The following LTBP1 variants were observed in gnomAD, a reference collection of about 807,000 sequenced individuals.
LTBP1 encodes the protein latent transforming growth factor beta binding protein 1, also known as latent-transforming growth factor beta-binding protein 1.
Under a neutral mutation model 207.6 loss-of-function variants are expected in LTBP1, and 129 were observed. That is an observed-to-expected ratio of 0.62 (90% CI 0.54 to 0.72). LTBP1 has a LOEUF of 0.72. Ranked by LOEUF, LTBP1 falls within the 30% of genes least tolerant of loss-of-function variation. The pLI, the probability that LTBP1 is intolerant of heterozygous loss-of-function variation, is 0.00. For missense variants in LTBP1, 2,281 were observed against 2,217.2 expected (o/e 1.03, Z -0.58); for synonymous variants, 963 against 833.7 (o/e 1.16, Z -2.67).
At chr2:33,267,899 T>G (rs947687088) in intron 15 of LTBP1, among the ~76,000 whole-genome samples, 1 of 152,234 alleles carries the variant, frequency 6.6e-6, no homozygotes, top group African/African-American at 2.4e-5. Flanking sequence ...AGGAAGTTGT[T>G]AAAACACAAC....
At chr2:33,251,737 G>A (rs759644056) in intron 10 of LTBP1, among the ~76,000 whole-genome samples, 3 of 149,588 alleles carry the variant, frequency 2.0e-5, no homozygotes, top group Non-Finnish European at 3.0e-5. Context: ...AACCTCATTT[G>A]TATGGTGATA....
At chr2:33,057,140 C>T (rs2077041396) in intron 3 of LTBP1, among the ~76,000 whole-genome samples, 1 of 148,558 alleles carries the variant, frequency 6.7e-6, no homozygotes, top group Non-Finnish European at 1.5e-5. Context: ...TTGGTGTATT[C>T]ACAATCCCTT....
chr2:33,012,583 G>A (rs955186647), intron 2 of LTBP1, among the ~76,000 whole-genome samples: 1 of 152,040 alleles, frequency 6.6e-6, no homozygotes, highest in Non-Finnish European at 1.5e-5. Flanking sequence ...TTCTGTACTT[G>A]TGTCTTTCCT....
At position 33,251,664 on chromosome 2, in the gene LTBP1, C is replaced by CAAAAAA. The variant is rs537403994; in HGVS notation, c.2000-995_2000-990dup. 2.4e-3 allele frequency among the ~76,000 whole-genome samples: 157 copies of CAAAAAA among 65,846 alleles called. 1 individual carries two copies. Among genetic ancestry groups the CAAAAAA allele is most frequent in the Non-Finnish European group, 3.4e-3 (123 of 35,848 alleles). The allele number at this position is 65,846 out of a possible 152,430, so 43.2% of individuals were successfully genotyped here. A position where few individuals can be genotyped will look rare whatever the true frequency, so the allele number is the denominator to read the frequency against. ...TCGGCAACAGAGTGAGACTCAGTCT[C>CAAAAAA]AAAAAAAAAAAAAAAAAAAAAAAGA... On this transcript the variant is annotated intron_variant, in intron 10 of 33. Transcript: ENST00000404816.
In LTBP1 at chr2:33,191,575, C is replaced by A. The variant is rs148958295; in HGVS notation, c.1701+2724C>A. Among the ~76,000 whole-genome samples the A allele has an allele frequency of 2.4e-3, 362 of 152,316 alleles. 3 individuals are homozygous for A. Among genetic ancestry groups the A allele is most frequent in the Middle Eastern group, 6.8e-3 (2 of 294 alleles). ...GGGTGAACCAGGCATTTAAAAAATA[C>A]ATTACTGGCAAATAATCATAGTGTG... On this transcript the variant is annotated intron_variant, in intron 7 of 33. Coordinates refer to ENST00000404816, the MANE Select transcript of LTBP1 (RefSeq NM_206943.4).
At chr2:32,984,891 A>G (rs981447193) in intron 2 of LTBP1, among the ~76,000 whole-genome samples, 1 of 152,218 alleles carries the variant, frequency 6.6e-6, no homozygotes, top group East Asian at 1.9e-4. Context: ...AGATTGCGCC[A>G]CTGAACTCCA....
intron 5 of LTBP1, among the ~76,000 whole-genome samples, chr2:33,184,928 C>T (rs1480561287): frequency 6.6e-6 from 1 of 151,946 alleles, no homozygotes; most frequent in Non-Finnish European, 1.5e-5. Flanking sequence ...CCATAAGATG[C>T]ATGGAATGAT....
At chr2:33,139,688 G>A (rs1384290677) in intron 5 of LTBP1, among the ~76,000 whole-genome samples, 1 of 152,186 alleles carries the variant, frequency 6.6e-6, no homozygotes, top group Non-Finnish European at 1.5e-5. Context: ...ACATTGGTAA[G>A]TTCCAAAGTA....
At chr2:33,252,171 A>C (rs1000679604) in intron 10 of LTBP1, among the ~76,000 whole-genome samples, 16 of 152,194 alleles carry the variant, frequency 1.1e-4, no homozygotes, top group Admixed American at 1.0e-3. Flanking sequence ...TCACTGGCGT[A>C]GGGTGAGACC....
At chr2:33,019,054 T>G (rs918414933) in intron 2 of LTBP1, among the ~76,000 whole-genome samples, 1 of 152,200 alleles carries the variant, frequency 6.6e-6, no homozygotes, top group African/African-American at 2.4e-5. Context: ...GGCTTTTAGG[T>G]CTTGGTCTTT....
Position 33,309,481 on chromosome 2 carries a change from T to G in LTBP1, c.3529T>G (p.Cys1177Gly). ...EDKSVCQRGD[C>G]INTAGSYDCT... ...CAAGAGTGTTTGCCAGAGAGGAGAC[T>G]GCATTAATACTGCAGGGTCCTATGA... Residue 1177 changes from cysteine to glycine, a missense_variant, in exon 23 of 34, where the codon TGC becomes GGC. By Grantham distance (159) the Cys-to-Gly change is radical. Transcript: ENST00000404816. 1 of 1,610,202 alleles carries G rather than the reference T, an allele frequency of 6.2e-7. No individual in the cohort carries two copies. The highest frequency in any genetic ancestry group is 8.5e-7 in the Non-Finnish European group (1 of 1,178,428).
intron 2 of LTBP1, among the ~76,000 whole-genome samples, chr2:32,997,718 G>A (rs573833295): frequency 8.2e-4 from 125 of 152,296 alleles, no homozygotes; most frequent in Non-Finnish European, 1.3e-3. Context: ...CCCTCAGGAC[G>A]TAGCTGGACC....
chr2:33,309,684 T>A, intron 23 of LTBP1, 128 bp downstream of exon 23: 1 of 1,103,108 alleles, frequency 9.1e-7, no homozygotes, highest in Non-Finnish European at 1.3e-6. Context: ...TTTTTGATAT[T>A]AAAATAGCTG....
intron 5 of LTBP1, among the ~76,000 whole-genome samples, chr2:33,166,085 T>A (rs560996290): frequency 6.6e-6 from 1 of 151,780 alleles, no homozygotes; most frequent in Admixed American, 6.6e-5. Context: ...TTTTTTTTCT[T>A]GTTTGGATCA....
Position 33,019,535 on chromosome 2 carries a change from A to G in LTBP1, c.566-1374A>G, listed in dbSNP as rs186933964. 1.1e-4 allele frequency among the ~76,000 whole-genome samples: 17 copies of G among 151,712 alleles called. No homozygotes were observed. In the South Asian group the frequency reaches 2.1e-3, roughly 19 times the overall value. ...TTTTTAGTAGAGATGAGGTTTCACTATTTTGACCAGGCTGGTCTCGAACTC... is the reference window on the plus strand; with the variant it reads ...TTTTTAGTAGAGATGAGGTTTCACTGTTTTGACCAGGCTGGTCTCGAACTC... On this transcript the variant is annotated intron_variant, in intron 2 of 33. Coordinates refer to ENST00000404816, the MANE Select transcript of LTBP1 (RefSeq NM_206943.4).
chr2:33,021,594 T>A (rs2075170635), intron 3 of LTBP1, among the ~76,000 whole-genome samples: 1 of 152,208 alleles, frequency 6.6e-6, no homozygotes, highest in African/African-American at 2.4e-5. Context: ...GTGTTATTTT[T>A]AAAGTTATCT....
chr2:33,341,526 A>G (rs2094620348), intron 24 of LTBP1, among the ~76,000 whole-genome samples: 1 of 151,806 alleles, frequency 6.6e-6, no homozygotes, highest in Non-Finnish European at 1.5e-5. Flanking sequence ...CCTGGCTAAC[A>G]TGGTGAAACA....
At chr2:33,356,876 A>G (rs1310350069) in intron 26 of LTBP1, among the ~76,000 whole-genome samples, 2 of 152,244 alleles carry the variant, frequency 1.3e-5, no homozygotes, top group Non-Finnish European at 2.9e-5. Flanking sequence ...TCACACACAC[A>G]GAGTTTTATC....
At chr2:33,038,845 T>G (rs1242959412) in intron 3 of LTBP1, among the ~76,000 whole-genome samples, 2 of 152,208 alleles carry the variant, frequency 1.3e-5, no homozygotes, top group African/African-American at 4.8e-5. Flanking sequence ...TCTTTTTTTT[T>G]GCCAGAGCCT....
Sources: allele counts gnomAD v4.1 joint callset (sites outside exome capture counted in the v4.1 genomes callset), GRCh38; gene constraint gnomAD v4.1.1; transcripts MANE v1.5; gene names NCBI Gene and HGNC (gene_info 2026-07-23, HGNC 2026-07-21).